The following CACNA2D3 variants were observed in gnomAD, a reference collection of about 807,000 sequenced individuals.
The protein encoded by CACNA2D3 is calcium voltage-gated channel auxiliary subunit alpha2delta 3, also known as voltage-dependent calcium channel subunit alpha-2/delta-3.
Under a neutral mutation model 160.6 loss-of-function variants are expected in CACNA2D3, and 60 were observed. The ratio of observed to expected loss-of-function variants is 0.37; its 90% CI spans 0.30 to 0.46. The LOEUF (loss-of-function observed/expected upper bound fraction) is 0.46, where lower values mean the gene tolerates loss of function less well. Ranked by LOEUF, CACNA2D3 falls within the 20% of genes least tolerant of loss-of-function variation. The pLI, the probability that CACNA2D3 is intolerant of heterozygous loss-of-function variation, is 1.00. For synonymous variants in CACNA2D3, 558 were observed against 492.9 expected (o/e 1.13, Z -1.75); for missense variants, 1,205 against 1,365.0 (o/e 0.88, Z 1.85).
chr3:55,053,861 C>T (rs910371240), intron 35 of CACNA2D3, among the ~76,000 whole-genome samples: 23 of 151,822 alleles, frequency 1.5e-4, no homozygotes, highest in African/African-American at 5.3e-4. Flanking sequence ...TGTTTCTGAC[C>T]TTAAGGTAAA....
At position 54,887,960 on chromosome 3, in the gene CACNA2D3, T is replaced by C. The variant is rs751866519; in HGVS notation, c.2058T>C (p.Cys686=). 1 of 1,613,442 alleles carries C rather than the reference T, an allele frequency of 6.2e-7. No individual in the cohort carries two copies. Among genetic ancestry groups the C allele is most frequent in the Non-Finnish European group, 8.5e-7 (1 of 1,179,436 alleles). ...YLKGKEPLLQ[C]DKELIQEVLF... ...CCTCTTGTCTGTCCCTCCCAACAGG[T>C]GATAAAGAATTGATCCAAGAAGTCC... Residue 686 remains cysteine, a splice_region_variant and synonymous_variant, in exon 24 of 38, where the codon TGT becomes TGC. Transcript: ENST00000474759.
chr3:54,864,013 C>G (rs1225582862), intron 17 of CACNA2D3, among the ~76,000 whole-genome samples: 4 of 152,072 alleles, frequency 2.6e-5, no homozygotes, highest in African/African-American at 7.2e-5. Flanking sequence ...AATAGAGGCT[C>G]ATTGGCATTT....
At chr3:54,421,182 A>G (rs1268044463) in intron 4 of CACNA2D3, among the ~76,000 whole-genome samples, 4 of 152,344 alleles carry the variant, frequency 2.6e-5, no homozygotes, top group South Asian at 4.1e-4. Flanking sequence ...GTGGGAACAT[A>G]TCTATAATTG....
intron 11 of CACNA2D3, among the ~76,000 whole-genome samples, chr3:54,736,096 T>TACATACATATATATATATATATATATAC (rs1160293812): frequency 1.0e-4 from 2 of 19,650 alleles, no homozygotes; most frequent in African/African-American, 4.6e-4. Context: ...TGTGTATATA[T>TACATACATATATATATATATATATATAC]ATACATATAT....
chr3:54,389,550 C>G (rs1394623839), intron 4 of CACNA2D3, among the ~76,000 whole-genome samples: 2 of 152,134 alleles, frequency 1.3e-5, no homozygotes, highest in Non-Finnish European at 2.9e-5. Context: ...CCACCTTAAA[C>G]AAATAATCGA....
intron 2 of CACNA2D3, among the ~76,000 whole-genome samples, chr3:54,255,371 C>T (rs146425014): frequency 2.6e-5 from 4 of 152,168 alleles, no homozygotes; most frequent in Non-Finnish European, 4.4e-5. Context: ...ACCACTCTTG[C>T]GGCTTGCAAA....
chr3:54,904,610 A>G (rs576955029), intron 27 of CACNA2D3, among the ~76,000 whole-genome samples: 1 of 152,290 alleles, frequency 6.6e-6, no homozygotes, highest in East Asian at 1.9e-4. Context: ...TTTCATTTTG[A>G]TTTCTTAGAT....
At chr3:54,911,159 A>G (rs35371261) in intron 27 of CACNA2D3, among the ~76,000 whole-genome samples, 5,459 of 152,258 alleles carry the variant, frequency 0.036, 141 homozygotes, top group Non-Finnish European at 0.058. Flanking sequence ...TTAATATAGC[A>G]ATACAATTAC....
chr3:54,379,909 T>G (rs1329294437), intron 3 of CACNA2D3, among the ~76,000 whole-genome samples: 2 of 152,176 alleles, frequency 1.3e-5, no homozygotes, highest in African/African-American at 2.4e-5. Context: ...CATCTTACGT[T>G]TTTTTCATGG....
At chr3:54,873,385 A>T in intron 18 of CACNA2D3, among the ~76,000 whole-genome samples, 1 of 145,464 alleles carries the variant, frequency 6.9e-6, no homozygotes, top group African/African-American at 2.8e-5. Context: ...TTATCTGTTG[A>T]TTTATTTTTT....
chr3:54,961,471 TC>T, intron 27 of CACNA2D3, among the ~76,000 whole-genome samples: 1 of 152,378 alleles, frequency 6.6e-6, no homozygotes, highest in African/African-American at 2.4e-5. Context: ...ACTACAATTT[TC>T]TACTATATTC....
At chr3:55,061,819 A>G (rs1704515708) in intron 35 of CACNA2D3, among the ~76,000 whole-genome samples, 1 of 152,192 alleles carries the variant, frequency 6.6e-6, no homozygotes, top group South Asian at 2.1e-4. Flanking sequence ...CAATCCGCTT[A>G]GGTCTAGACA....
intron 3 of CACNA2D3, among the ~76,000 whole-genome samples, chr3:54,331,066 T>C (rs1434428607): frequency 6.6e-6 from 1 of 152,248 alleles, no homozygotes; most frequent in East Asian, 1.9e-4. Context: ...AATTTCGTCA[T>C]TGGAGATGGG....
intron 27 of CACNA2D3, among the ~76,000 whole-genome samples, chr3:54,934,656 C>T (rs1701284887): frequency 6.6e-6 from 1 of 152,174 alleles, no homozygotes; most frequent in Non-Finnish European, 1.5e-5. Flanking sequence ...TAGCCAGGTT[C>T]TGTGTAGACT....
chr3:54,919,416 G>T (rs1042206950), intron 27 of CACNA2D3, among the ~76,000 whole-genome samples: 5 of 152,218 alleles, frequency 3.3e-5, no homozygotes, highest in African/African-American at 1.2e-4. Context: ...GAATGGTCTT[G>T]GAGTGATCTG....
chr3:54,641,042 GA>G (rs199499230), intron 10 of CACNA2D3, among the ~76,000 whole-genome samples: 9,905 of 132,488 alleles, frequency 0.075, 956 homozygotes, highest in African/African-American at 0.24. Flanking sequence ...GGATCTATTG[GA>G]AAAAAAAAAA....
chr3:54,172,295 G>A (rs938491426), intron 2 of CACNA2D3, among the ~76,000 whole-genome samples: 8 of 152,228 alleles, frequency 5.3e-5, no homozygotes, highest in Admixed American at 1.3e-4. Context: ...TTTCGGTCGA[G>A]CCTTTGACAT....
intron 2 of CACNA2D3, among the ~76,000 whole-genome samples, chr3:54,123,993 G>A (rs1325415924): frequency 6.6e-6 from 1 of 152,162 alleles, no homozygotes; most frequent in Non-Finnish European, 1.5e-5. Flanking sequence ...CGTTGGAGGC[G>A]TGGGGTTCAG....
intron 16 of CACNA2D3, among the ~76,000 whole-genome samples, chr3:54,840,154 C>T (rs916639902): frequency 5.9e-5 from 9 of 151,934 alleles, no homozygotes; most frequent in Non-Finnish European, 1.3e-4. Context: ...ACCTAAGCAC[C>T]GAGCCACTAC....
Sources: gnomAD v4.1 joint callset for allele counts (sites outside exome capture counted in the v4.1 genomes callset) on GRCh38, gnomAD v4.1.1 for gene constraint, MANE v1.5 for transcripts, NCBI Gene and HGNC (gene_info 2026-07-23, HGNC 2026-07-21) for gene names.